The following RFTN1 variants were observed in gnomAD, a reference collection of about 807,000 sequenced individuals.
RFTN1 encodes raftlin, lipid raft linker 1, also known as raftlin.
Under a neutral mutation model 46.5 loss-of-function variants are expected in RFTN1, and 26 were observed. The observed-to-expected ratio is 0.56, with a 90% CI of 0.41 to 0.78. RFTN1 has a LOEUF of 0.78. Ranked by LOEUF, RFTN1 falls within the 30% of genes least tolerant of loss-of-function variation. RFTN1 has a pLI of 0.00. For synonymous variants in RFTN1, 261 were observed against 284.2 expected (o/e 0.92, Z 0.82); for missense variants, 693 against 718.7 (o/e 0.96, Z 0.41).
rs547326231 is a variant in RFTN1, at chr3:16,318,501, T to G, written c.1333-1269A>C. On this transcript the variant is annotated intron_variant, in intron 9 of 9. Coordinates refer to ENST00000334133, the MANE Select transcript of RFTN1 (RefSeq NM_015150.2). ...GCTTTGCTAGGAAAAACCAAAAATG[T>G]GCTATGTAAATGTTTAAAAATCTGC... is the stretch of plus-strand genomic sequence containing the variant. Among the ~76,000 whole-genome samples, 20 of 152,288 alleles carry G rather than the reference T, an allele frequency of 1.3e-4. No individual in the cohort carries two copies. In the South Asian group the frequency reaches 4.1e-3, roughly 32 times the overall value.
At position 16,493,844 on chromosome 3, in the gene RFTN1, T is replaced by C; in HGVS notation, c.26A>G (p.Glu9Gly). 1 of 1,614,170 alleles carries C rather than the reference T, an allele frequency of 6.2e-7. No individual in the cohort carries two copies. The highest frequency in any genetic ancestry group is 1.1e-5 in the South Asian group (1 of 91,080). Residue 9 changes from glutamate (E) to glycine (G), a missense_variant, in exon 2 of 10, where the codon GAG (glutamate) becomes GGG (glycine). Transcript: ENST00000334133. MGCGLNKL[E>G]KRDEKRPGNI... ...CCCAGGCCGTTTTTCATCACGTTTCTCTAACTTGTTCAATCCGCAACCCAT... is the reference window on the plus strand; with the variant it reads ...CCCAGGCCGTTTTTCATCACGTTTCCCTAACTTGTTCAATCCGCAACCCAT...
intron 9 of RFTN1, among the ~76,000 whole-genome samples, chr3:16,319,206 A>G (rs1399656510): frequency 1.3e-5 from 2 of 152,150 alleles, no homozygotes; most frequent in East Asian, 3.8e-4. Context: ...GTTTTTAGAA[A>G]AGGACCAGTG....
rs1575387406 is a variant in RFTN1, at chr3:16,506,227, G to C, written c.-9+7215C>G. 6.6e-6 allele frequency among the ~76,000 whole-genome samples: 1 copy of C among 152,148 alleles called. No individual in the cohort carries two copies. Among genetic ancestry groups the C allele is most frequent in the African/African-American group, 2.4e-5 (1 of 41,420 alleles). ...CACAGAGCGAGCCATGGGATAAGGG[G>C]GAGGGTGGGCTAGGCAAGGCAGTGG... is the stretch of plus-strand genomic sequence containing the variant. On this transcript the variant is annotated intron_variant, in intron 1 of 9. Transcript: ENST00000334133. This position sits in a 1 kb window ranked among gnomAD's most constrained non-coding sequence, Gnocchi z 4.8.
chr3:16,401,196 G>A (rs1030075980), intron 4 of RFTN1, among the ~76,000 whole-genome samples: 5 of 151,990 alleles, frequency 3.3e-5, no homozygotes, highest in African/African-American at 7.3e-5. Context: ...GGTGGCTCGC[G>A]CCTGTAATCC....
In RFTN1 at chr3:16,377,852, A is replaced by AC; in HGVS notation, c.691dup (p.Val231GlyfsTer40). The AC allele has an allele frequency of 6.2e-7, 1 of 1,613,444 alleles. No individual in the cohort carries two copies. The highest frequency in any genetic ancestry group is 8.5e-7 in the Non-Finnish European group (1 of 1,179,872). On this transcript the variant is annotated frameshift_variant, in exon 5 of 10. Coordinates refer to ENST00000334133, the MANE Select transcript of RFTN1 (RefSeq NM_015150.2). LOFTEE classifies it high-confidence loss of function. Reference sequence around the variant, plus strand: ...TGAGCTGGGCTGCTTGGCGAGGGGCACCTCCCCTCTGGGGCCTGAGCTGGG... The same window carrying AC: ...TGAGCTGGGCTGCTTGGCGAGGGGCACCCTCCCCTCTGGGGCCTGAGCTGGG...
At chr3:16,389,502 G>T (rs2125400155) in intron 4 of RFTN1, among the ~76,000 whole-genome samples, 1 of 148,902 alleles carries the variant, frequency 6.7e-6, no homozygotes, top group Non-Finnish European at 1.5e-5. Flanking sequence ...TTTCGGGGGG[G>T]AGGGAAGGAA....
chr3:16,482,814 G>A, intron 2 of RFTN1: 1 of 1,536,114 alleles, frequency 6.5e-7, no homozygotes, highest in Non-Finnish European at 8.7e-7. Context: ...AGGCCAGGGA[G>A]GGCGCAGGGG....
In RFTN1 at chr3:16,421,532, A is replaced by C. The variant is rs1481730987; in HGVS notation, c.333-12049T>G. Among the ~76,000 whole-genome samples the C allele has an allele frequency of 6.6e-6, 1 of 151,976 alleles. No homozygotes were observed. Among genetic ancestry groups the C allele is most frequent in the Non-Finnish European group, 1.5e-5 (1 of 67,980 alleles). ...ATGCCCAGCTAATTTTTGTATTTTT[A>C]GTAGAGACAGGGTTTCACCATGTTG... On this transcript the variant is annotated intron_variant, in intron 3 of 9. Coordinates refer to ENST00000334133, the MANE Select transcript of RFTN1 (RefSeq NM_015150.2). The surrounding 1 kb of genome is among the most constrained non-coding windows in gnomAD (Gnocchi z 4.6).
In RFTN1 at chr3:16,475,785, G is replaced by A. The variant is rs2076271179; in HGVS notation, c.145+17940C>T. On this transcript the variant is annotated intron_variant, in intron 2 of 9. Transcript: ENST00000334133. This position sits in a 1 kb window ranked among gnomAD's most constrained non-coding sequence, Gnocchi z 4.2. ...GGTGCTGGCTGAGGGCAAAAGCCAAGTCCCAGCAGTCACGGTTTCCATATT... is the reference window on the plus strand; with the variant it reads ...GGTGCTGGCTGAGGGCAAAAGCCAAATCCCAGCAGTCACGGTTTCCATATT... 6.6e-6 allele frequency among the ~76,000 whole-genome samples: 1 copy of A among 152,210 alleles called. No individual in the cohort carries two copies. Among genetic ancestry groups the A allele is most frequent in the Non-Finnish European group, 1.5e-5 (1 of 68,040 alleles).
rs1366446233 is a variant in RFTN1 at position 16,327,974 on chromosome 3, C to T, written c.1147-1098G>A. Among the ~76,000 whole-genome samples, 1 of 152,214 alleles carries T rather than the reference C, an allele frequency of 6.6e-6. No individual in the cohort carries two copies. The highest frequency in any genetic ancestry group is 1.5e-5 in the Non-Finnish European group (1 of 68,036). ...CTCCTCATCCCTCATAGTTTGGCTT[C>T]TTGTAGTTGGCTTCCGAAAATCTCA... On this transcript the variant is annotated intron_variant, in intron 7 of 9. Coordinates refer to ENST00000334133, the MANE Select transcript of RFTN1 (RefSeq NM_015150.2). This position sits in a 1 kb window ranked among gnomAD's most constrained non-coding sequence, Gnocchi z 4.2.
Position 16,450,372 on chromosome 3 carries a change from G to A in RFTN1, c.146-16335C>T, listed in dbSNP as rs1365175998. Among the ~76,000 whole-genome samples the A allele has an allele frequency of 1.3e-5, 2 of 152,218 alleles. No homozygotes were observed. The highest frequency in any genetic ancestry group is 2.9e-5 in the Non-Finnish European group (2 of 68,038). On this transcript the variant is annotated intron_variant, in intron 2 of 9. Transcript: ENST00000334133. This position sits in a 1 kb window ranked among gnomAD's most constrained non-coding sequence, Gnocchi z 4.6. ...ATAGAAAGGGGAGGCTGAAGAGATAGTGTCTGGCCACATCCAGGTGCACAG... is the reference window on the plus strand; with the variant it reads ...ATAGAAAGGGGAGGCTGAAGAGATAATGTCTGGCCACATCCAGGTGCACAG...
intron 3 of RFTN1, among the ~76,000 whole-genome samples, chr3:16,432,082 G>A (rs2075400074): frequency 6.6e-6 from 1 of 152,182 alleles, no homozygotes; most frequent in African/African-American, 2.4e-5. Context: ...TAATGATCAA[G>A]CCTCACATAC....
intron 4 of RFTN1, among the ~76,000 whole-genome samples, chr3:16,406,491 G>T (rs569174396): frequency 4.6e-5 from 7 of 152,308 alleles, no homozygotes; most frequent in Non-Finnish European, 1.0e-4. Flanking sequence ...GGAACTCTGG[G>T]ATAGACATCT....
rs1030627336 is a variant in RFTN1 at position 16,338,864 on chromosome 3, C to A, written c.1147-11988G>T. The stretch of plus-strand genomic sequence containing the variant: ...GGAGTTGGGGACCTGGGGAGAGAGC[C>A]AGTCTGTCTGCAGGAATTCTAGAAC... On this transcript the variant is annotated intron_variant, in intron 7 of 9. Coordinates refer to ENST00000334133, the MANE Select transcript of RFTN1 (RefSeq NM_015150.2). The surrounding 1 kb of genome is among the most constrained non-coding windows in gnomAD (Gnocchi z 5.3). Among the ~76,000 whole-genome samples, 5 of 152,170 alleles carry A rather than the reference C, an allele frequency of 3.3e-5. No individual in the cohort carries two copies. The highest frequency in any genetic ancestry group is 1.2e-4 in the African/African-American group (5 of 41,414).
chr3:16,439,344 C>T, intron 2 of RFTN1, among the ~76,000 whole-genome samples: 1 of 152,186 alleles, frequency 6.6e-6, no homozygotes, highest in South Asian at 2.1e-4. Context: ...GTCTGTTTCT[C>T]ACCCTACTTA....
intron 4 of RFTN1, among the ~76,000 whole-genome samples, chr3:16,394,254 G>A (rs759794572): frequency 1.6e-4 from 24 of 152,076 alleles, no homozygotes; most frequent in Admixed American, 3.9e-4. Context: ...GTGCACACCC[G>A]TAATCCTAGC....
chr3:16,330,771 C>T (rs894486918), intron 7 of RFTN1, among the ~76,000 whole-genome samples: 1 of 152,210 alleles, frequency 6.6e-6, no homozygotes, highest in Non-Finnish European at 1.5e-5. Flanking sequence ...AAATAGACAT[C>T]CTACACAACC....
Position 16,412,226 on chromosome 3 carries a change from G to A in RFTN1, c.333-2743C>T, listed in dbSNP as rs546573215. 9.8e-5 allele frequency among the ~76,000 whole-genome samples: 15 copies of A among 152,300 alleles called. No individual in the cohort carries two copies. In the East Asian group the frequency reaches 1.4e-3, roughly 14 times the overall value. ...GGGAATAGGTGAGCAAGTAATAGGC[G>A]TTCTCCTGCCTTTGGGAATTAGCTC... On this transcript the variant is annotated intron_variant, in intron 3 of 9. Coordinates refer to ENST00000334133, the MANE Select transcript of RFTN1 (RefSeq NM_015150.2).
intron 2 of RFTN1, among the ~76,000 whole-genome samples, chr3:16,454,997 C>T (rs948406534): frequency 1.6e-4 from 24 of 152,222 alleles, no homozygotes; most frequent in African/African-American, 5.8e-4. Flanking sequence ...TCCTCTCCAC[C>T]ATGCTGTCTC....
Sources: allele counts gnomAD v4.1 joint callset (sites outside exome capture counted in the v4.1 genomes callset), GRCh38; gene constraint gnomAD v4.1.1; non-coding constraint Gnocchi (gnomAD v3.1); transcripts MANE v1.5; gene names NCBI Gene and HGNC (gene_info 2026-07-23, HGNC 2026-07-21).